MBD1: variants seen among roughly 807,000 people sequenced by gnomAD.
The protein encoded by MBD1 is methyl-CpG-binding domain protein 1.
MBD1 carries 25 observed loss-of-function variants against 82.6 expected under a neutral mutation model. The ratio of observed to expected loss-of-function variants is 0.30; its 90% CI spans 0.22 to 0.42. The LOEUF (loss-of-function observed/expected upper bound fraction) is 0.42. MBD1 is among the 10% of genes least tolerant of loss of function. The pLI is 1.00. For synonymous variants in MBD1, 301 were observed against 303.7 expected, an observed-to-expected ratio of 0.99 and a Z score of 0.09; for missense variants, 627 against 819.6, an observed-to-expected ratio of 0.76 and a Z score of 2.87.
rs768452667 is a variant in MBD1 at position 50,269,651 on chromosome 18, C to T, written c.*200G>A. 6 of 750,650 alleles carry T rather than the reference C, an allele frequency of 8.0e-6. No homozygotes were observed. In the Admixed American group the frequency reaches 9.2e-5, roughly 11 times the overall value. 46.5% of individuals were successfully genotyped at this position (750,650 alleles called of 1,614,324 possible). A position where few individuals can be genotyped will look rare whatever the true frequency, so the allele number is the denominator to read the frequency against. ...TATTTAACTCTGTGAGGAAGGGCAC[C>T]AGCTTCTTCTGCAGGACACCCACAT... On this transcript the variant is annotated 3_prime_UTR_variant, in exon 17 of 17. Transcript: ENST00000269468.
Position 50,281,419 on chromosome 18 carries a change from G to C in MBD1, c.-82C>G. The C allele has an allele frequency of 4.8e-6, 3 of 626,322 alleles. No homozygotes were observed. The highest frequency in any genetic ancestry group is 8.6e-6 in the Non-Finnish European group (3 of 350,350). The allele number at this position is 626,322 out of a possible 1,614,324, so 38.8% of individuals were successfully genotyped here. A position where few individuals can be genotyped will look rare whatever the true frequency, so the allele number is the denominator to read the frequency against. On this transcript the variant is annotated 5_prime_UTR_variant, in exon 1 of 17. Coordinates refer to ENST00000269468, the MANE Select transcript of MBD1 (RefSeq NM_015846.4). ...CTCTAGGCCCGTGGACCCATGGCGA[G>C]GGTCCCTCCTGCACCTCCCGCCTCG...
chr18:50,273,128 G>C, intron 13 of MBD1, 173 bp from the exon 14 acceptor site: 1 of 1,200,202 alleles, frequency 8.3e-7, no homozygotes, highest in Non-Finnish European at 1.2e-6. Context: ...ACTGACCTCC[G>C]TTTTTCTGTT....
At chr18:50,278,283 G>A (rs1274657667) in intron 2 of MBD1, among the ~76,000 whole-genome samples, 1 of 152,188 alleles carries the variant, frequency 6.6e-6, no homozygotes, top group East Asian at 1.9e-4. Flanking sequence ...ATTTTTGGAT[G>A]GTGGTTGACT....
At chr18:50,268,288 G>T (rs954876691), downstream of MBD1, among the ~76,000 whole-genome samples, 4 of 152,248 alleles carry the variant, frequency 2.6e-5, no homozygotes, top group African/African-American at 9.6e-5. Flanking sequence ...AGGTTGTGCA[G>T]CCCAAAGGGC....
chr18:50,267,585 A>G, downstream of MBD1: 1 of 1,530,082 alleles, frequency 6.5e-7, no homozygotes, highest in Non-Finnish European at 8.8e-7. Context: ...CAGGAAACAC[A>G]AATCAGGGAA....
intron 1 of MBD1, among the ~76,000 whole-genome samples, chr18:50,280,273 T>C (rs1044756896): frequency 1.3e-5 from 2 of 152,026 alleles, no homozygotes; most frequent in Non-Finnish European, 2.9e-5. Context: ...CCCCTACTCC[T>C]CTCTATCCTC....
intron 6 of MBD1, 43 bp downstream of exon 6, chr18:50,276,335 G>C (rs1479811108): frequency 1.3e-6 from 2 of 1,593,254 alleles, no homozygotes; most frequent in East Asian, 4.5e-5. Context: ...ATCACATCCT[G>C]CTCCCACTGC....
intron 16 of MBD1, 24 bp downstream of exon 16, chr18:50,271,445 A>C: frequency 1.2e-6 from 2 of 1,614,104 alleles, no homozygotes; most frequent in Non-Finnish European, 8.5e-7. Flanking sequence ...GTTGTCTCTC[A>C]TAAAGCCAGT....
At position 50,280,415 on chromosome 18, in the gene MBD1, ATCC is replaced by A. The variant is rs772680536; in HGVS notation, c.-25-401_-25-399del. Among the ~76,000 whole-genome samples, 8 of 150,018 alleles carry A rather than the reference ATCC, an allele frequency of 5.3e-5. No homozygotes were observed. In the East Asian group the frequency reaches 1.4e-3, roughly 26 times the overall value. On this transcript the variant is annotated intron_variant, in intron 1 of 16. Transcript: ENST00000269468. ...TCACCCCAAGACCCCCATAGTCCCC[ATCC>A]TCAGCCCCAAAGGGCCCCATTTCTC...
chr18:50,272,338 T>G (rs759683916), intron 15 of MBD1: 14 of 355,586 alleles, frequency 3.9e-5, no homozygotes, highest in Non-Finnish European at 7.0e-5. Flanking sequence ...GATTATTCTC[T>G]GAATAAGAAT....
chr18:50,267,597 C>A (rs1025118038), downstream of MBD1: 1 of 1,534,910 alleles, frequency 6.5e-7, no homozygotes, highest in African/African-American at 1.4e-5. Context: ...ATCAGGGAAC[C>A]AGGACGGACC....
chr18:50,274,069 T>A (rs956473545), intron 11 of MBD1, 117 bp downstream of exon 11: 4 of 1,448,240 alleles, frequency 2.8e-6, no homozygotes, highest in Non-Finnish European at 2.9e-6. Context: ...TGTCTGTTAA[T>A]CCTCAACCAA....
chr18:50,278,638 T>C (rs538314620), intron 2 of MBD1, among the ~76,000 whole-genome samples: 1 of 152,358 alleles, frequency 6.6e-6, no homozygotes, highest in South Asian at 2.1e-4. Flanking sequence ...AGAAAGAATA[T>C]AGAAACTTAA....
chr18:50,276,747 G>A lies in MBD1; in HGVS notation c.393-3C>T. On this transcript the variant is annotated splice_region_variant and splice_polypyrimidine_tract_variant and intron_variant, in intron 4 of 16. Coordinates refer to ENST00000269468, the MANE Select transcript of MBD1 (RefSeq NM_015846.4). ...TGATTCCACAGTTCTCACAGCACCT[G>A]GGATGGGAAAGGCAGGTGTGGGGCT... The A allele has an allele frequency of 6.2e-7, 1 of 1,614,176 alleles. No homozygotes were observed. The highest frequency in any genetic ancestry group is 8.5e-7 in the Non-Finnish European group (1 of 1,180,024).
intron 8 of MBD1, 99 bp from the exon 9 acceptor site, chr18:50,275,344 G>A (rs1340638399): frequency 6.2e-7 from 1 of 1,612,294 alleles, no homozygotes; most frequent in Non-Finnish European, 8.5e-7. Flanking sequence ...GGGACAGGCA[G>A]ACAGAGGGTG....
rs59616370 is a variant in MBD1 at position 50,272,356 on chromosome 18, T to C, written c.1778+321A>G. On this transcript the variant is annotated intron_variant, in intron 15 of 16. Coordinates refer to ENST00000269468, the MANE Select transcript of MBD1 (RefSeq NM_015846.4). ...TATTCTCTGAATAAGAATTTATATA[T>C]TAAAGCTGACCCCTATAGAAATTCC... is the stretch of plus-strand genomic sequence containing the variant. 4.5e-3 allele frequency: 1,776 copies of C among 394,850 alleles called. 34 individuals are homozygous for C. Among genetic ancestry groups the C allele is most frequent in the African/African-American group, 0.034 (1,653 of 48,704 alleles). The allele number at this position is 394,850 out of a possible 1,614,324, so 24.5% of individuals were successfully genotyped here. A position where few individuals can be genotyped will look rare whatever the true frequency, so the allele number is the denominator to read the frequency against.
Position 50,276,709 on chromosome 18 carries a change from T to G in MBD1, c.428A>C (p.Asp143Ala), listed in dbSNP as rs960797759. ...CENCGISFSG[D>A]GTQRQRLKTL... is the part of the protein sequence containing the mutation. ...TTTGAGCCGCTGCCTTTGGGTGCCA[T>G]CCCCTGAGAAGCTGATTCCACAGTT... Residue 143 changes from aspartate to alanine, a missense_variant, in exon 5 of 17, where the codon GAT becomes GCT. Physicochemically the swap from Asp to Ala is moderately radical, Grantham distance 126 (BLOSUM62 -2). Around this residue, in one of 6 missense-constraint regions of MBD1, gnomAD observed 228 missense variants for 318.1 expected, o/e 0.72. Coordinates refer to ENST00000269468, the MANE Select transcript of MBD1 (RefSeq NM_015846.4). 1 of 1,614,062 alleles carries G rather than the reference T, an allele frequency of 6.2e-7. No homozygotes were observed. Among genetic ancestry groups the G allele is most frequent in the African/African-American group, 1.3e-5 (1 of 74,922 alleles).
rs2036383027 is a variant in MBD1 at position 50,273,268 on chromosome 18, T to C, written c.1584+66A>G. 4 of 1,597,800 alleles carry C rather than the reference T, an allele frequency of 2.5e-6. No homozygotes were observed. In the African/African-American group the frequency reaches 4.0e-5, roughly 16 times the overall value. ...CTCTGCTCAAGAGAACCATCATGGC[T>C]CATCATCACTCTGCTTACAGACCAC... On this transcript the variant is annotated intron_variant, in intron 13 of 16. Transcript: ENST00000269468.
intron 1 of MBD1, 153 bp downstream of exon 1, chr18:50,281,210 C>T (rs1421160319): frequency 7.8e-6 from 12 of 1,534,724 alleles, no homozygotes; most frequent in South Asian, 1.2e-5. Context: ...AGCCTAAATC[C>T]CCCCATTTCT....
Sources: allele counts gnomAD v4.1 joint callset (sites outside exome capture counted in the v4.1 genomes callset), GRCh38; gene constraint gnomAD v4.1.1; regional missense constraint gnomAD v4.1.1; transcripts MANE v1.5; gene names NCBI Gene and HGNC (gene_info 2026-07-23, HGNC 2026-07-21).